TCEA2: variants seen among roughly 807,000 people sequenced by gnomAD.
TCEA2 encodes transcription elongation factor A protein 2.
In TCEA2, 21 loss-of-function variants were observed where a neutral mutation model predicts 40.8. The observed-to-expected ratio is 0.51, with a 90% CI of 0.36 to 0.74. The LOEUF (loss-of-function observed/expected upper bound fraction) is 0.74. Among genes scored for constraint, TCEA2 ranks in the 30% least tolerant of loss-of-function variants. The pLI is 0.00. For synonymous variants in TCEA2, 165 were observed against 162.7 expected, an observed-to-expected ratio of 1.01 and a Z score of -0.11; for missense variants, 326 against 426.5, an observed-to-expected ratio of 0.76 and a Z score of 2.08.
chr20:64,060,261 G>C (rs1034743583), upstream of TCEA2, among the ~76,000 whole-genome samples: 13 of 152,174 alleles, frequency 8.5e-5, no homozygotes, highest in African/African-American at 2.9e-4. Flanking sequence ...CCCACCCCCA[G>C]CTTGAGGGCT....
chr20:64,060,876 G>A (rs1190692575), upstream of TCEA2, among the ~76,000 whole-genome samples: 6 of 151,644 alleles, frequency 4.0e-5, no homozygotes, highest in South Asian at 2.1e-4. Context: ...TGCCAGCTCC[G>A]CCTCCCGGAT....
At chr20:64,066,669 G>C in intron 2 of TCEA2, 131 bp downstream of exon 2, 1 of 1,058,810 alleles carries the variant, frequency 9.4e-7, no homozygotes. Context: ...GCCTGTTCCT[G>C]AGGAGAGGGT....
chr20:64,059,132 G>GCA (rs2059515104), upstream of TCEA2, among the ~76,000 whole-genome samples: 1 of 148,080 alleles, frequency 6.8e-6, no homozygotes, highest in South Asian at 2.1e-4. Flanking sequence ...TGCGGAGGTT[G>GCA]CAGTGAGCCA....
chr20:64,063,625 C>T, intron 1 of TCEA2: 1 of 543,880 alleles, frequency 1.8e-6, no homozygotes, highest in South Asian at 2.2e-5. Context: ...GACCTTGTCC[C>T]GGGAGAGCCA....
At chr20:64,056,354 G>A (rs536734350), upstream of TCEA2, among the ~76,000 whole-genome samples, 13 of 152,314 alleles carry the variant, frequency 8.5e-5, no homozygotes, top group African/African-American at 1.9e-4. Flanking sequence ...GCACTTGCTG[G>A]ACCTAAGCCC....
rs777675306 is a variant in TCEA2, at chr20:64,066,457, G to A, written c.73-19G>A. The A allele has an allele frequency of 5.6e-6, 9 of 1,612,890 alleles. No homozygotes were observed. The South Asian group carries it at 7.7e-5, about 14-fold the overall frequency. On this transcript the variant is annotated intron_variant, in intron 1 of 9. Transcript: ENST00000343484. ...TTGAGATCTAAAGTCCTTTATGAAG[G>A]TCCTCCTTCTCCTTCCAGGAGGGAG...
At position 64,072,159 on chromosome 20, in the gene TCEA2, C is replaced by T; in HGVS notation, c.892-13C>T. The T allele has an allele frequency of 2.5e-6, 4 of 1,613,640 alleles. No individual in the cohort carries two copies. In the Middle Eastern group the frequency reaches 6.6e-4, roughly 266 times the overall value. On this transcript the variant is annotated splice_polypyrimidine_tract_variant and intron_variant, in intron 9 of 9. Transcript: ENST00000343484. The stretch of plus-strand genomic sequence containing the variant: ...TGGCCACAAGGCTGGAGGCCTCACC[C>T]CCTTTCTCGCAGTTCTGCTGACCCC...
intron 1 of TCEA2, among the ~76,000 whole-genome samples, chr20:64,057,865 C>T (rs2059493782): frequency 6.6e-6 from 1 of 152,164 alleles, no homozygotes; most frequent in Admixed American, 6.5e-5. Flanking sequence ...GTGGCTCTTG[C>T]TGGGAACCAC....
upstream of TCEA2, among the ~76,000 whole-genome samples, chr20:64,060,251 C>G (rs373474730): frequency 2.0e-5 from 3 of 152,192 alleles, no homozygotes; most frequent in Non-Finnish European, 4.4e-5. Flanking sequence ...AGGTCTCCCC[C>G]CCACCCCCAG....
At chr20:64,071,709 C>G (rs2059841297) in intron 8 of TCEA2, 161 bp from the exon 9 acceptor site, 2 of 731,638 alleles carry the variant, frequency 2.7e-6, no homozygotes, top group Non-Finnish European at 4.4e-6. Flanking sequence ...GTCTCCCTCC[C>G]CCGGAGGCTC....
chr20:64,072,130 C>T (rs936901674), intron 9 of TCEA2, 42 bp from the exon 10 acceptor site: 1 of 1,612,320 alleles, frequency 6.2e-7, no homozygotes, highest in Non-Finnish European at 8.5e-7. Flanking sequence ...TGGGGGATCT[C>T]ATGTGGCCAC....
intron 6 of TCEA2, 70 bp downstream of exon 6, chr20:64,069,891 T>C: frequency 6.4e-7 from 1 of 1,571,686 alleles, no homozygotes; most frequent in East Asian, 2.2e-5. Flanking sequence ...CCTGGTGCCC[T>C]CTGGTGGCTG....
chr20:64,060,029 G>A (rs969080534), upstream of TCEA2, among the ~76,000 whole-genome samples: 22 of 152,300 alleles, frequency 1.4e-4, no homozygotes, highest in Non-Finnish European at 8.8e-5. Flanking sequence ...CTGGGACTGC[G>A]GCGTATGCAC....
rs578220402 is a variant in TCEA2 at position 64,068,054 on chromosome 20, C to T, written c.249C>T (p.Ser83=). The change falls in exon 4 of 10, where the codon TCC becomes TCT. Residue 83 remains serine (S), a synonymous_variant. Coordinates refer to ENST00000343484, the MANE Select transcript of TCEA2 (RefSeq NM_003195.6). ...CCCCGATCTTTCCTGCAGATGCTTC[C>T]GATGCCAAAGCCAGGGAGCGGGGGA... ...IKSWKKLLDA[S]DAKARERGRG... is the part of the protein sequence containing the mutation. 1.6e-5 allele frequency: 26 copies of T among 1,605,182 alleles called. No individual in the cohort carries two copies. Among genetic ancestry groups the T allele is most frequent in the South Asian group, 1.0e-4 (9 of 88,930 alleles).
upstream of TCEA2, among the ~76,000 whole-genome samples, chr20:64,061,096 C>CTTT (rs71197441): frequency 0.32 from 19,640 of 60,590 alleles, 3,516 homozygotes; most frequent in East Asian, 0.46. Flanking sequence ...CAGCCTGAGT[C>CTTT]TTTTTTTTTT....
chr20:64,055,827 C>T (rs816952), upstream of TCEA2, among the ~76,000 whole-genome samples: 19 of 152,214 alleles, frequency 1.2e-4, no homozygotes, highest in African/African-American at 4.6e-4. This position sits in a 1 kb window ranked among gnomAD's most constrained non-coding sequence, Gnocchi z 4.0. Context: ...CTCTCAGACC[C>T]CATCTGGCTG....
Position 64,063,255 on chromosome 20 carries a change from G to T in TCEA2, c.-58G>T. 2.0e-6 allele frequency: 3 copies of T among 1,475,866 alleles called. No individual in the cohort carries two copies. The highest frequency in any genetic ancestry group is 2.5e-5 in the South Asian group (2 of 78,866). 91.4% of individuals were successfully genotyped at this position (1,475,866 alleles called of 1,614,324 possible). ...GGAGGTGGCGACGGCCGGGGCCGGG[G>T]TCCTGCCCGGCTGCGGAGGCGGGCG... On this transcript the variant is annotated 5_prime_UTR_variant, in exon 1 of 10. Transcript: ENST00000343484.
intron 1 of TCEA2, chr20:64,065,670 T>C (rs1198744923): frequency 6.6e-6 from 1 of 152,270 alleles, no homozygotes; most frequent in African/African-American, 2.4e-5. Context: ...GTGACCGGTT[T>C]GTGCCTGGCC....
At chr20:64,066,359 C>A in intron 1 of TCEA2, 117 bp from the exon 2 acceptor site, 1 of 1,311,058 alleles carries the variant, frequency 7.6e-7, no homozygotes, top group Non-Finnish European at 1.1e-6. Context: ...TTCTTTTTGA[C>A]CCCAGGTTGA....
Sources: allele counts gnomAD v4.1 joint callset (sites outside exome capture counted in the v4.1 genomes callset), GRCh38; gene constraint gnomAD v4.1.1; non-coding constraint Gnocchi (gnomAD v3.1); transcripts MANE v1.5; gene names NCBI Gene and HGNC (gene_info 2026-07-23, HGNC 2026-07-21).